The following SERGEF variants were observed in gnomAD, a reference collection of about 807,000 sequenced individuals.
SERGEF encodes the protein secretion regulating guanine nucleotide exchange factor, also known as secretion-regulating guanine nucleotide exchange factor.
In SERGEF, 51 loss-of-function variants were observed where a neutral mutation model predicts 50.0. That is an observed-to-expected ratio of 1.02 (90% CI 0.81 to 1.29). SERGEF has a LOEUF of 1.29. Among genes scored for constraint, SERGEF ranks in the 50% most tolerant of loss-of-function variants. The pLI, the probability that SERGEF is intolerant of heterozygous loss-of-function variation, is 0.00. For missense variants in SERGEF, 521 were observed against 557.0 expected (o/e 0.94, Z 0.65); for synonymous variants, 205 against 212.4 (o/e 0.97, Z 0.30).
chr11:17,814,466 C>A (rs568197186), intron 10 of SERGEF, among the ~76,000 whole-genome samples: 6 of 152,338 alleles, frequency 3.9e-5, no homozygotes, highest in Non-Finnish European at 8.8e-5. Flanking sequence ...ATCAATGGCA[C>A]TCTCTCTTTA....
chr11:17,821,746 T>A (rs1192196833), intron 10 of SERGEF, among the ~76,000 whole-genome samples: 1 of 152,260 alleles, frequency 6.6e-6, no homozygotes, highest in Non-Finnish European at 1.5e-5. Context: ...ATTGCTGTAA[T>A]ACAGCAGTTC....
intron 9 of SERGEF, among the ~76,000 whole-genome samples, chr11:17,951,821 T>A (rs924885485): frequency 2.0e-5 from 3 of 152,096 alleles, no homozygotes; most frequent in Admixed American, 6.5e-5. Flanking sequence ...ACCCCCAGAA[T>A]GAGGACAGCA....
At position 18,000,512 on chromosome 11, in the gene SERGEF, C is replaced by CA. The variant is rs764484221; in HGVS notation, c.492dup (p.Ala165CysfsTer49). ...AGATGATCACCTGTAGCAGCTACTG[C>CA]ATGCCTCAGTCCAGCAGCAATACAA... On this transcript the variant is annotated frameshift_variant, in exon 5 of 11. Transcript: ENST00000265965. LOFTEE classifies it high-confidence loss of function. 5.7e-6 allele frequency: 9 copies of CA among 1,583,560 alleles called. No individual in the cohort carries two copies. The Admixed American group carries it at 1.8e-4, about 31-fold the overall frequency.
chr11:18,000,503 C>T lies in SERGEF; in HGVS notation c.502G>A (p.Ala168Thr). The change falls in exon 5 of 11, where the codon GCT becomes ACT. Residue 168 changes from alanine to threonine, a missense_variant. By Grantham distance (58) the Ala-to-Thr change is moderately conservative (BLOSUM62 0). Coordinates refer to ENST00000265965, the MANE Select transcript of SERGEF (RefSeq NM_012139.4). ...IAAGLRHAVA[A>T]TASGIVFQWG... Reference sequence around the variant, plus strand: ...ATAAAGATAAGATGATCACCTGTAGCAGCTACTGCATGCCTCAGTCCAGCA... The same window carrying T: ...ATAAAGATAAGATGATCACCTGTAGTAGCTACTGCATGCCTCAGTCCAGCA... 1 of 1,575,970 alleles carries T rather than the reference C, an allele frequency of 6.3e-7. No homozygotes were observed. Among genetic ancestry groups the T allele is most frequent in the Non-Finnish European group, 8.6e-7 (1 of 1,164,032 alleles).
At chr11:17,883,997 A>G (rs1851382787) in intron 9 of SERGEF, among the ~76,000 whole-genome samples, 2 of 152,108 alleles carry the variant, frequency 1.3e-5, no homozygotes, top group African/African-American at 4.8e-5. Context: ...TGCGGACCAG[A>G]ACTCAGGGTC....
chr11:17,835,985 G>T (rs1482869261), intron 10 of SERGEF, among the ~76,000 whole-genome samples: 1 of 152,246 alleles, frequency 6.6e-6, no homozygotes, highest in Admixed American at 6.5e-5. Context: ...CCAGGTGGTT[G>T]TATAGCTGAG....
intron 9 of SERGEF, among the ~76,000 whole-genome samples, chr11:17,941,061 T>G (rs1852554303): frequency 6.6e-6 from 1 of 152,198 alleles, no homozygotes; most frequent in Non-Finnish European, 1.5e-5. Context: ...ACTACCTAGA[T>G]TCTATAGTTA....
chr11:17,917,942 T>C (rs922331549), intron 9 of SERGEF, among the ~76,000 whole-genome samples: 3 of 152,248 alleles, frequency 2.0e-5, no homozygotes, highest in African/African-American at 7.2e-5. Context: ...TTTTGATTAT[T>C]TAAATGGGGT....
At chr11:17,926,842 A>G (rs1213402801) in intron 9 of SERGEF, 1 of 456,106 alleles carries the variant, frequency 2.2e-6, no homozygotes, top group Non-Finnish European at 4.4e-6. Flanking sequence ...TGTGCAGTTC[A>G]GTATCTGGCA....
At chr11:17,950,770 C>T (rs779288737) in intron 9 of SERGEF, among the ~76,000 whole-genome samples, 31 of 152,202 alleles carry the variant, frequency 2.0e-4, no homozygotes, top group Non-Finnish European at 3.8e-4. Flanking sequence ...TCACTCTAAA[C>T]CTCTGCATGA....
At chr11:17,928,780 G>GA (rs202065121) in intron 9 of SERGEF, among the ~76,000 whole-genome samples, 5 of 149,928 alleles carry the variant, frequency 3.3e-5, no homozygotes, top group Non-Finnish European at 5.9e-5. Context: ...ATTTAAACCT[G>GA]AAAAAAAAAG....
At chr11:17,808,913 A>G (rs1323124614) in intron 10 of SERGEF, among the ~76,000 whole-genome samples, 2 of 152,236 alleles carry the variant, frequency 1.3e-5, no homozygotes, top group African/African-American at 2.4e-5. Context: ...GATCTCTCCA[A>G]AGGAATATAT....
At position 17,877,923 on chromosome 11, in the gene SERGEF, A is replaced by G. The variant is rs1851267070; in HGVS notation, c.1048+285T>C. On this transcript the variant is annotated intron_variant, in intron 10 of 10. Transcript: ENST00000265965. ...CCTTTTTATGTCTGGCTTTCTACAC[A>G]TGGTGCCCCTCAGCCTGTGAGTTCT... 1.3e-5 allele frequency: 4 copies of G among 308,382 alleles called. No individual in the cohort carries two copies. The South Asian group carries it at 2.4e-4, about 18-fold the overall frequency. 19.1% of individuals were successfully genotyped at this position (308,382 alleles called of 1,614,324 possible).
chr11:17,796,205 AGAG>A (rs1011912398), intron 10 of SERGEF, among the ~76,000 whole-genome samples: 5 of 152,190 alleles, frequency 3.3e-5, no homozygotes, highest in Non-Finnish European at 7.3e-5. Context: ...GAGGTAGCAA[AGAG>A]GAGAGGATGA....
chr11:17,927,783 T>A (rs540837774), intron 9 of SERGEF, among the ~76,000 whole-genome samples: 1 of 152,234 alleles, frequency 6.6e-6, no homozygotes, highest in African/African-American at 2.4e-5. Flanking sequence ...TCTTCTACAT[T>A]TTAACAAGAT....
At chr11:17,821,708 C>T (rs535788330) in intron 10 of SERGEF, among the ~76,000 whole-genome samples, 1 of 152,186 alleles carries the variant, frequency 6.6e-6, no homozygotes, top group Non-Finnish European at 1.5e-5. Context: ...ATAGATTAAT[C>T]TCTCTATATT....
chr11:17,994,593 G>A (rs1160478367), intron 6 of SERGEF, among the ~76,000 whole-genome samples: 1 of 152,074 alleles, frequency 6.6e-6, no homozygotes, highest in Non-Finnish European at 1.5e-5. Flanking sequence ...GAGAAGGCAG[G>A]ATATGCCTGG....
intron 8 of SERGEF, among the ~76,000 whole-genome samples, chr11:17,973,057 G>A (rs1357821918): frequency 2.0e-5 from 3 of 152,086 alleles, no homozygotes; most frequent in African/African-American, 7.2e-5. Context: ...TGATGAGGCC[G>A]TGTTTTCCAC....
intron 10 of SERGEF, among the ~76,000 whole-genome samples, chr11:17,805,218 T>C (rs1419898530): frequency 6.6e-6 from 1 of 152,236 alleles, no homozygotes; most frequent in Non-Finnish European, 1.5e-5. Flanking sequence ...AGCTCTGCCA[T>C]TAACTCAACA....
Sources: allele counts gnomAD v4.1 joint callset (sites outside exome capture counted in the v4.1 genomes callset), GRCh38; gene constraint gnomAD v4.1.1; transcripts MANE v1.5; gene names NCBI Gene and HGNC (gene_info 2026-07-23, HGNC 2026-07-21).